CCDC110: variants seen among roughly 807,000 people sequenced by gnomAD.
The protein encoded by CCDC110 is coiled-coil domain containing 110.
In CCDC110, 70 loss-of-function variants were observed where a neutral mutation model predicts 77.1. The ratio of observed to expected loss-of-function variants is 0.91; its 90% CI spans 0.75 to 1.11. CCDC110 has a LOEUF of 1.11. CCDC110 is among the 50% of genes least tolerant of loss of function. The pLI is 0.00. For synonymous variants in CCDC110, 295 were observed against 312.5 expected (o/e 0.94, Z 0.59); for missense variants, 868 against 942.9 (o/e 0.92, Z 1.04).
chr4:185,459,976 A>G lies in CCDC110; in HGVS notation c.611T>C (p.Leu204Pro), dbSNP rs1160381206. Residue 204 changes from leucine (L) to proline (P), a missense_variant, in exon 6 of 7, where the codon CTA (leucine) becomes CCA (proline). By Grantham distance (98) the Leu-to-Pro change is moderately conservative (BLOSUM62 -3). Coordinates refer to ENST00000307588, the MANE Select transcript of CCDC110 (RefSeq NM_152775.4). ...LKNYNNFYRF[L>P]PTAPPNVMSQ... ...CATCACATTTGGAGGTGCAGTAGGT[A>G]GAAAACGATAAAAGTTATTATAATT... is the stretch of plus-strand genomic sequence containing the variant. The G allele has an allele frequency of 1.2e-6, 2 of 1,613,598 alleles. No individual in the cohort carries two copies. Among genetic ancestry groups the G allele is most frequent in the African/African-American group, 2.7e-5 (2 of 74,924 alleles).
intron 6 of CCDC110, chr4:185,457,742 T>G (rs1251212186): frequency 1.4e-6 from 2 of 1,382,600 alleles, no homozygotes; most frequent in Non-Finnish European, 1.9e-6. Context: ...TGGACAAAGG[T>G]TTTGAAACAT....
chr4:185,460,735 C>T (rs543485567), intron 5 of CCDC110, among the ~76,000 whole-genome samples: 33 of 152,224 alleles, frequency 2.2e-4, no homozygotes, highest in Non-Finnish European at 3.7e-4. Context: ...AGGGAATTTA[C>T]CCCAGACCTA....
intron 1 of CCDC110, 178 bp downstream of exon 1, chr4:185,471,496 A>G (rs760781871): frequency 6.4e-6 from 4 of 621,792 alleles, no homozygotes; most frequent in East Asian, 3.5e-5. Flanking sequence ...GCCACAGCGG[A>G]CGCAGGGGGC....
In CCDC110 at chr4:185,462,658, CAA is replaced by C. The variant is rs1325800923; in HGVS notation, c.220_221del (p.Leu74AlafsTer12). On this transcript the variant is annotated frameshift_variant, in exon 4 of 7. Transcript: ENST00000307588. LOFTEE classifies it high-confidence loss of function. ...ESFQALRMQT[L>X]QNVSMVQSEI... Reference sequence around the variant, plus strand: ...AGAAACATACCATGCTGACATTCTGCAAAGTCTGCATTCGCAAAGCCTGAAAT... The same window carrying C: ...AGAAACATACCATGCTGACATTCTGCAGTCTGCATTCGCAAAGCCTGAAAT... 6.2e-7 allele frequency: 1 copy of C among 1,613,092 alleles called. No homozygotes were observed. The highest frequency in any genetic ancestry group is 8.5e-7 in the Non-Finnish European group (1 of 1,179,180).
At chr4:185,461,247 T>G (rs1229366360) in intron 4 of CCDC110, 88 bp from the exon 5 acceptor site, 2 of 646,182 alleles carry the variant, frequency 3.1e-6, no homozygotes, top group Non-Finnish European at 5.3e-6. Flanking sequence ...TTAAAAGGTG[T>G]GTTTAAATTT....
chr4:185,446,406 T>C (rs1046531856), intron 6 of CCDC110, among the ~76,000 whole-genome samples: 55 of 152,320 alleles, frequency 3.6e-4, no homozygotes, highest in African/African-American at 1.3e-3. Flanking sequence ...TGTACTACTC[T>C]TCTTGCTCAT....
intron 3 of CCDC110, 128 bp from the exon 4 acceptor site, chr4:185,462,836 A>T: frequency 9.7e-7 from 1 of 1,033,780 alleles, no homozygotes; most frequent in Non-Finnish European, 1.5e-6. Flanking sequence ...CAGGTGGTTC[A>T]CATTCTTAGG....
intron 6 of CCDC110, among the ~76,000 whole-genome samples, chr4:185,450,960 A>G (rs926038005): frequency 2.0e-5 from 3 of 152,008 alleles, no homozygotes; most frequent in African/African-American, 7.3e-5. Context: ...CCCAAATCTC[A>G]TCTTGAGTTG....
chr4:185,448,257 G>T (rs939465441), intron 6 of CCDC110, among the ~76,000 whole-genome samples: 1 of 152,146 alleles, frequency 6.6e-6, no homozygotes, highest in Non-Finnish European at 1.5e-5. Flanking sequence ...CTGACCTCAG[G>T]TGATCCGCCC....
At chr4:185,450,992 A>G (rs532242333) in intron 6 of CCDC110, among the ~76,000 whole-genome samples, 85 of 152,150 alleles carry the variant, frequency 5.6e-4, no homozygotes, top group African/African-American at 1.6e-3. Context: ...ATTCCCACAT[A>G]TTGTGGGAGG....
At chr4:185,461,825 C>T (rs773223898) in intron 4 of CCDC110, among the ~76,000 whole-genome samples, 2 of 152,140 alleles carry the variant, frequency 1.3e-5, no homozygotes, top group African/African-American at 2.4e-5. Context: ...TAGCCGGGTG[C>T]GGTGGCTCAC....
At chr4:185,450,478 G>T (rs2095627202) in intron 6 of CCDC110, among the ~76,000 whole-genome samples, 1 of 152,202 alleles carries the variant, frequency 6.6e-6, no homozygotes, top group Non-Finnish European at 1.5e-5. Context: ...GCCAGGCACG[G>T]TGGCTCACGC....
rs532776609 is a variant in CCDC110, at chr4:185,450,544, C to T, written c.2462-5002G>A. Among the ~76,000 whole-genome samples, 306 of 152,188 alleles carry T rather than the reference C, an allele frequency of 2.0e-3. 4 individuals carry two copies. Among genetic ancestry groups the T allele is most frequent in the African/African-American group, 6.2e-3 (257 of 41,516 alleles). On this transcript the variant is annotated intron_variant, in intron 6 of 6. Coordinates refer to ENST00000307588, the MANE Select transcript of CCDC110 (RefSeq NM_152775.4). ...CGGGTGGATCACAAGGTTAGGAGTTCGAGACCAGCCTGCCCAACATAGTGA... is the reference window on the plus strand; with the variant it reads ...CGGGTGGATCACAAGGTTAGGAGTTTGAGACCAGCCTGCCCAACATAGTGA...
intron 6 of CCDC110, among the ~76,000 whole-genome samples, chr4:185,447,371 G>A (rs1219200253): frequency 2.6e-5 from 4 of 151,954 alleles, no homozygotes; most frequent in South Asian, 2.1e-4. Flanking sequence ...TAGTAGAGAC[G>A]GGGTTTCACT....
intron 3 of CCDC110, 36 bp from the exon 4 acceptor site, chr4:185,462,744 T>C (rs2095648692): frequency 6.5e-7 from 1 of 1,533,330 alleles, no homozygotes. Context: ...TGAGTATTTT[T>C]AGGTAGGTAA....
At chr4:185,449,186 G>C (rs1466444319) in intron 6 of CCDC110, among the ~76,000 whole-genome samples, 2 of 152,118 alleles carry the variant, frequency 1.3e-5, no homozygotes, top group African/African-American at 4.8e-5. Flanking sequence ...ATGTTACAAA[G>C]TATATTTGTT....
Position 185,471,071 on chromosome 4 carries a change from C to A in CCDC110, c.11-22G>T, listed in dbSNP as rs779446179. On this transcript the variant is annotated intron_variant, in intron 1 of 6. Coordinates refer to ENST00000307588, the MANE Select transcript of CCDC110 (RefSeq NM_152775.4). ...TTTTCTGTAACAGAACCGTCCGGGG[C>A]TGTTCTGTCGCGGGTCGTGGCGTGG... 7.8e-6 allele frequency: 10 copies of A among 1,277,788 alleles called. No homozygotes were observed. In the East Asian group the frequency reaches 3.5e-4, roughly 45 times the overall value. 79.2% of individuals were successfully genotyped at this position (1,277,788 alleles called of 1,614,324 possible). A position where few individuals can be genotyped will look rare whatever the true frequency, so the allele number is the denominator to read the frequency against.
intron 6 of CCDC110, among the ~76,000 whole-genome samples, chr4:185,446,588 C>G (rs11132304): frequency 0.85 from 129,177 of 152,116 alleles, 55,769 homozygotes; most frequent in East Asian, 0.99. Flanking sequence ...GCATCTTAAG[C>G]TTTATATCAA....
At chr4:185,446,105 T>C (rs1239294647) in intron 6 of CCDC110, among the ~76,000 whole-genome samples, 2 of 152,172 alleles carry the variant, frequency 1.3e-5, no homozygotes, top group African/African-American at 4.8e-5. Context: ...CCTCCCAAAG[T>C]GCTGGGATTA....
Sources: gnomAD v4.1 joint callset for allele counts (sites outside exome capture counted in the v4.1 genomes callset) on GRCh38, gnomAD v4.1.1 for gene constraint, MANE v1.5 for transcripts, NCBI Gene and HGNC (gene_info 2026-07-23, HGNC 2026-07-21) for gene names.